Variants in IL1RL2 observed in about 807,000 individuals in gnomAD.
IL1RL2 encodes the protein interleukin 1 receptor like 2, also known as interleukin-1 receptor-like 2.
Under a neutral mutation model 66.8 loss-of-function variants are expected in IL1RL2, and 68 were observed. The observed-to-expected ratio is 1.02, with a 90% CI of 0.84 to 1.25. The LOEUF (loss-of-function observed/expected upper bound fraction) is 1.25. IL1RL2 is among the 50% of genes most tolerant of loss of function. The probability of loss-of-function intolerance (pLI) is 0.00; values close to 1 mark genes in which losing one functional copy is unlikely to be tolerated. For synonymous variants in IL1RL2, 305 were observed against 264.6 expected (o/e 1.15, Z -1.48); for missense variants, 729 against 709.3 (o/e 1.03, Z -0.32).
chr2:102,238,879 C>G (rs1350896496), intron 11 of IL1RL2, among the ~76,000 whole-genome samples: 1 of 152,182 alleles, frequency 6.6e-6, no homozygotes, highest in Non-Finnish European at 1.5e-5. Context: ...CAATTCCACC[C>G]TCATCTCCCA....
chr2:102,190,995 T>C (rs1048942460), intron 3 of IL1RL2, among the ~76,000 whole-genome samples: 35 of 152,226 alleles, frequency 2.3e-4, no homozygotes, highest in African/African-American at 8.0e-4. Flanking sequence ...TAATTTTAAA[T>C]TTAAATAAAT....
At chr2:102,187,368 G>T in intron 1 of IL1RL2, 6 of 1,155,328 alleles carry the variant, frequency 5.2e-6, no homozygotes, top group Non-Finnish European at 6.5e-6. Flanking sequence ...CTGCTCCCCA[G>T]TGAGCGGGTG....
intron 3 of IL1RL2, among the ~76,000 whole-genome samples, chr2:102,190,416 T>A (rs938797748): frequency 6.6e-6 from 1 of 152,226 alleles, no homozygotes; most frequent in Admixed American, 6.5e-5. Context: ...AATGCTGGCC[T>A]GATAGGCTTG....
chr2:102,210,061 A>G (rs891713179), intron 5 of IL1RL2, among the ~76,000 whole-genome samples: 10 of 152,164 alleles, frequency 6.6e-5, no homozygotes, highest in Admixed American at 5.9e-4. Flanking sequence ...GAAAGGAAAA[A>G]TCTGAGCTCA....
intron 9 of IL1RL2, among the ~76,000 whole-genome samples, chr2:102,231,564 G>GTT (rs11410839): frequency 9.3e-4 from 139 of 149,590 alleles, no homozygotes; most frequent in African/African-American, 2.2e-3. Flanking sequence ...TTCATTGTGA[G>GTT]TTTTTTTTTT....
At position 102,239,279 on chromosome 2, in the gene IL1RL2, TG is replaced by T; in HGVS notation, c.*39del. On this transcript the variant is annotated 3_prime_UTR_variant, in exon 12 of 12. Transcript: ENST00000264257. ...TGACACCTATGGCTGGAAGATGACT[TG>T]TTTTGCTCCATGTCTCCTCATTCCT... 6.3e-7 allele frequency: 1 copy of T among 1,596,690 alleles called. No individual in the cohort carries two copies. The highest frequency in any genetic ancestry group is 8.6e-7 in the Non-Finnish European group (1 of 1,164,126).
At chr2:102,235,422 G>T (rs1578206626) in intron 11 of IL1RL2, 145 bp downstream of exon 11, 7 of 1,448,616 alleles carry the variant, frequency 4.8e-6, no homozygotes, top group Middle Eastern at 2.6e-4. Context: ...AGGATCTGTT[G>T]TGTTTGTTGT....
chr2:102,188,543 G>A (rs1189250494), intron 2 of IL1RL2, among the ~76,000 whole-genome samples: 2 of 139,690 alleles, frequency 1.4e-5, no homozygotes, highest in African/African-American at 5.3e-5. Flanking sequence ...AGCCGAGATT[G>A]AGCCTCTGCA....
intron 4 of IL1RL2, among the ~76,000 whole-genome samples, chr2:102,198,924 C>A (rs969212041): frequency 6.6e-6 from 1 of 152,136 alleles, no homozygotes; most frequent in African/African-American, 2.4e-5. Flanking sequence ...TTAGACCCTC[C>A]CATCCCCACC....
At chr2:102,188,661 G>C (rs1410827520) in intron 2 of IL1RL2, among the ~76,000 whole-genome samples, 2 of 149,502 alleles carry the variant, frequency 1.3e-5, no homozygotes, top group Non-Finnish European at 3.0e-5. Context: ...TTAAACAATC[G>C]TTTTGGGATG....
intron 6 of IL1RL2, among the ~76,000 whole-genome samples, chr2:102,216,585 T>C (rs1037017639): frequency 1.3e-5 from 2 of 152,162 alleles, no homozygotes; most frequent in Non-Finnish European, 2.9e-5. Flanking sequence ...AGATTATTAT[T>C]GATTGGTAAG....
intron 11 of IL1RL2, among the ~76,000 whole-genome samples, chr2:102,236,763 C>T (rs1306209613): frequency 6.6e-6 from 1 of 152,114 alleles, no homozygotes; most frequent in East Asian, 1.9e-4. Context: ...CATTGCCTCC[C>T]CATTGCTCTG....
In IL1RL2 at chr2:102,234,913, C is replaced by T. The variant is rs766201924; in HGVS notation, c.1314C>T (p.Ile438=). The change falls in exon 11 of 12, where the codon ATC becomes ATT. Residue 438 remains isoleucine, a synonymous_variant. Coordinates refer to ENST00000264257, the MANE Select transcript of IL1RL2 (RefSeq NM_003854.4). The part of the protein sequence containing the change: ...EFPGQAVANV[I]DENVKLCRRL... ...TATTTCCAGCCGTGGCCAATGTCAT[C>T]GATGAAAACGTTAAGCTGTGCAGGA... 15 of 1,611,528 alleles carry T rather than the reference C, an allele frequency of 9.3e-6. No homozygotes were observed. Among genetic ancestry groups the T allele is most frequent in the East Asian group, 2.2e-5 (1 of 44,798 alleles).
At chr2:102,220,038 A>G in intron 8 of IL1RL2, 21 bp downstream of exon 8, 1 of 1,600,732 alleles carries the variant, frequency 6.2e-7, no homozygotes, top group Non-Finnish European at 8.6e-7. Context: ...AGTGGGTTAC[A>G]CACTGTTCAG....
intron 4 of IL1RL2, 87 bp downstream of exon 4, chr2:102,192,207 A>C (rs968885581): frequency 1.1e-6 from 1 of 889,656 alleles, no homozygotes; most frequent in Non-Finnish European, 1.7e-6. Context: ...TTTTTAAGGC[A>C]GAATTGGTAA....
intron 11 of IL1RL2, chr2:102,235,637 CAT>C (rs1373046948): frequency 2.0e-6 from 2 of 985,252 alleles, no homozygotes; most frequent in South Asian, 4.7e-5. Flanking sequence ...ATGTGGCACC[CAT>C]AGAGTCTGAG....
At chr2:102,212,202 ATCACCAGGG>A in intron 6 of IL1RL2, 28 bp downstream of exon 6, 1 of 1,464,832 alleles carries the variant, frequency 6.8e-7, no homozygotes, top group African/African-American at 1.4e-5. Context: ...AGCCATTGAA[ATCACCAGGG>A]GAAGAGCTCA....
At chr2:102,201,532 G>A (rs1578118029) in intron 4 of IL1RL2, 24 bp from the exon 5 acceptor site, 5 of 1,609,368 alleles carry the variant, frequency 3.1e-6, no homozygotes, top group Non-Finnish European at 4.3e-6. Context: ...TCATTGAATT[G>A]AATTTTGTTT....
intron 1 of IL1RL2, 120 bp from the exon 2 acceptor site, chr2:102,187,736 G>A: frequency 1.2e-6 from 1 of 858,310 alleles, no homozygotes; most frequent in Non-Finnish European, 2.0e-6. Flanking sequence ...GGCTCCCCAG[G>A]AAAAAGGGAA....
Sources: gnomAD v4.1 joint callset for allele counts (sites outside exome capture counted in the v4.1 genomes callset) on GRCh38, gnomAD v4.1.1 for gene constraint, MANE v1.5 for transcripts, NCBI Gene and HGNC (gene_info 2026-07-23, HGNC 2026-07-21) for gene names.